The following RSRC1 variants were observed in gnomAD, a reference collection of about 807,000 sequenced individuals.
The protein encoded by RSRC1 is serine/Arginine-related protein 53.
Under a neutral mutation model 49.1 loss-of-function variants are expected in RSRC1, and 39 were observed. That is an observed-to-expected ratio of 0.79 (90% CI 0.61 to 1.04). The LOEUF (loss-of-function observed/expected upper bound fraction) is 1.04. Ranked by LOEUF, RSRC1 falls within the 50% of genes least tolerant of loss-of-function variation. The probability of loss-of-function intolerance (pLI) is 0.00; values close to 1 mark genes in which losing one functional copy is unlikely to be tolerated. For missense variants in RSRC1, 388 were observed against 402.4 expected (o/e 0.96, Z 0.31); for synonymous variants, 143 against 130.8 (o/e 1.09, Z -0.63).
At chr3:158,340,136 T>C (rs963088384) in intron 5 of RSRC1, among the ~76,000 whole-genome samples, 10 of 152,242 alleles carry the variant, frequency 6.6e-5, no homozygotes, top group African/African-American at 1.9e-4. Context: ...GGGGAGGTAA[T>C]TGAATCATGG....
At chr3:158,201,770 A>G (rs1182252599) in intron 3 of RSRC1, among the ~76,000 whole-genome samples, 1 of 152,176 alleles carries the variant, frequency 6.6e-6, no homozygotes, top group Non-Finnish European at 1.5e-5. Context: ...TTAATGCTTT[A>G]AAATCCTTAT....
intron 7 of RSRC1, among the ~76,000 whole-genome samples, chr3:158,509,049 G>A (rs984098386): frequency 5.3e-5 from 8 of 152,144 alleles, no homozygotes; most frequent in African/African-American, 1.2e-4. Flanking sequence ...AGCTTATGGC[G>A]TGATATTTAA....
chr3:158,484,540 G>T (rs1738743146), intron 7 of RSRC1, among the ~76,000 whole-genome samples: 2 of 151,984 alleles, frequency 1.3e-5, no homozygotes, highest in Admixed American at 6.6e-5. Flanking sequence ...AACCTGTCTT[G>T]TAAGAAAATT....
chr3:158,354,505 C>A (rs1347797892), intron 5 of RSRC1, among the ~76,000 whole-genome samples: 2 of 152,130 alleles, frequency 1.3e-5, no homozygotes, highest in Non-Finnish European at 2.9e-5. Context: ...TATTTAAATT[C>A]TCATAGATTG....
chr3:158,357,897 T>A (rs532718049), intron 6 of RSRC1, among the ~76,000 whole-genome samples: 3 of 152,310 alleles, frequency 2.0e-5, no homozygotes, highest in Admixed American at 6.5e-5. Context: ...CATAACTTGA[T>A]AGATAAGGTT....
intron 4 of RSRC1, among the ~76,000 whole-genome samples, chr3:158,293,847 T>C (rs1176079105): frequency 6.6e-6 from 1 of 152,118 alleles, no homozygotes; most frequent in Non-Finnish European, 1.5e-5. Flanking sequence ...AGAGTTGTTA[T>C]TACTCCATTG....
In RSRC1 at chr3:158,539,497, T is replaced by A. The variant is rs1363776290; in HGVS notation, c.759+2299T>A. On this transcript the variant is annotated intron_variant, in intron 8 of 9. Coordinates refer to ENST00000611884, the MANE Select transcript of RSRC1 (RefSeq NM_001271838.2). This position sits in a 1 kb window ranked among gnomAD's most constrained non-coding sequence, Gnocchi z 4.1. Reference sequence around the variant, plus strand: ...ATGAGTTATTCAACCCTAATGTTGTTGTATCTGGCAGATACCCACCTGTGT... The same window carrying A: ...ATGAGTTATTCAACCCTAATGTTGTAGTATCTGGCAGATACCCACCTGTGT... 2.0e-5 allele frequency among the ~76,000 whole-genome samples: 3 copies of A among 152,128 alleles called. No individual in the cohort carries two copies. Among genetic ancestry groups the A allele is most frequent in the Non-Finnish European group, 4.4e-5 (3 of 67,980 alleles).
chr3:158,363,053 C>T (rs1731565416), intron 6 of RSRC1, among the ~76,000 whole-genome samples: 2 of 152,126 alleles, frequency 1.3e-5, no homozygotes, highest in African/African-American at 2.4e-5. Flanking sequence ...TCATTTTCTG[C>T]ATAGTATCTA....
intron 6 of RSRC1, among the ~76,000 whole-genome samples, chr3:158,447,105 C>T (rs575554794): frequency 6.6e-6 from 1 of 152,112 alleles, no homozygotes; most frequent in African/African-American, 2.4e-5. Flanking sequence ...ATGCTTTTAA[C>T]AGGATTAAAT....
At chr3:158,398,296 T>G (rs952363544) in intron 6 of RSRC1, among the ~76,000 whole-genome samples, 3 of 152,050 alleles carry the variant, frequency 2.0e-5, no homozygotes, top group African/African-American at 4.8e-5. Context: ...AGGTCCACGA[T>G]ATAGGCACCA....
At chr3:158,380,966 G>T (rs1421625804) in intron 6 of RSRC1, among the ~76,000 whole-genome samples, 3 of 151,766 alleles carry the variant, frequency 2.0e-5, no homozygotes, top group Non-Finnish European at 4.4e-5. Context: ...TAAATATTTT[G>T]TAAATTTTGT....
At chr3:158,111,765 TGGA>T (rs1714426187) in intron 1 of RSRC1, among the ~76,000 whole-genome samples, 1 of 152,216 alleles carries the variant, frequency 6.6e-6, no homozygotes, top group African/African-American at 2.4e-5. Flanking sequence ...GAGTGAGTAG[TGGA>T]GAAGTAATTA....
chr3:158,136,011 G>A (rs1047521813), intron 3 of RSRC1, among the ~76,000 whole-genome samples: 1 of 152,192 alleles, frequency 6.6e-6, no homozygotes, highest in African/African-American at 2.4e-5. Context: ...ACATGGATAT[G>A]CATGCAGTCT....
At chr3:158,291,607 G>A (rs1007119858) in intron 4 of RSRC1, among the ~76,000 whole-genome samples, 6 of 152,184 alleles carry the variant, frequency 3.9e-5, no homozygotes, top group African/African-American at 1.4e-4. Context: ...GGAGAATCAA[G>A]TAATTTAAGT....
At chr3:158,452,698 C>A (rs148102347) in intron 6 of RSRC1, among the ~76,000 whole-genome samples, 4 of 152,166 alleles carry the variant, frequency 2.6e-5, no homozygotes, top group South Asian at 2.1e-4. Flanking sequence ...TTTTTATTTA[C>A]AGTTAATTAG....
chr3:158,437,846 G>C (rs746280367), intron 6 of RSRC1, among the ~76,000 whole-genome samples: 5 of 152,000 alleles, frequency 3.3e-5, no homozygotes, highest in Admixed American at 6.6e-5. Flanking sequence ...AGAAATAAAG[G>C]GTATTCAATT....
chr3:158,201,987 T>C (rs1399965121), intron 3 of RSRC1, among the ~76,000 whole-genome samples: 3 of 152,136 alleles, frequency 2.0e-5, no homozygotes, highest in Admixed American at 6.6e-5. Flanking sequence ...AGGAGGGAAA[T>C]CACATGGTTG....
intron 3 of RSRC1, among the ~76,000 whole-genome samples, chr3:158,128,710 A>T (rs1266532901): frequency 6.6e-6 from 1 of 152,148 alleles, no homozygotes; most frequent in Admixed American, 6.5e-5. Context: ...CTGCTCCAGG[A>T]TCCAATCCAG....
intron 3 of RSRC1, among the ~76,000 whole-genome samples, chr3:158,154,252 G>C (rs1412991755): frequency 6.6e-6 from 1 of 152,126 alleles, no homozygotes. Flanking sequence ...GATCATTTGA[G>C]CCTTCGGTGA....
Sources: allele counts gnomAD v4.1 joint callset (sites outside exome capture counted in the v4.1 genomes callset), GRCh38; gene constraint gnomAD v4.1.1; non-coding constraint Gnocchi (gnomAD v3.1); transcripts MANE v1.5; gene names NCBI Gene and HGNC (gene_info 2026-07-23, HGNC 2026-07-21).